GRM7: variants seen among roughly 807,000 people sequenced by gnomAD.
GRM7 encodes glutamate metabotropic receptor 7.
A neutral mutation model predicts 84.5 loss-of-function variants in GRM7; 35 were observed. The ratio of observed to expected loss-of-function variants is 0.41; its 90% CI spans 0.32 to 0.55. The LOEUF is 0.55. Ranked by LOEUF, GRM7 falls within the 20% of genes least tolerant of loss-of-function variation. The probability of loss-of-function intolerance (pLI) is 0.19; values close to 1 mark genes in which losing one functional copy is unlikely to be tolerated. For missense variants in GRM7, 1,003 were observed against 1,194.6 expected, an observed-to-expected ratio of 0.84 and a Z score of 2.36; for synonymous variants, 487 against 455.1, an observed-to-expected ratio of 1.07 and a Z score of -0.89.
At chr3:6,965,384 C>T (rs1163854014) in intron 1 of GRM7, among the ~76,000 whole-genome samples, 1 of 152,030 alleles carries the variant, frequency 6.6e-6, no homozygotes, top group African/African-American at 2.4e-5. Context: ...GTGATGTGAT[C>T]GTGGCTCACT....
chr3:7,243,590 A>G (rs373070430), intron 2 of GRM7, among the ~76,000 whole-genome samples: 1 of 152,132 alleles, frequency 6.6e-6, no homozygotes, highest in Non-Finnish European at 1.5e-5. Context: ...TAAACCAATC[A>G]CTATTCTCAG....
chr3:6,862,979 C>T lies in GRM7; in HGVS notation c.519+1072C>T. On this transcript the variant is annotated intron_variant, in intron 1 of 9. Transcript: ENST00000357716. This position sits in a 1 kb window ranked among gnomAD's most constrained non-coding sequence, Gnocchi z 5.2. ...GCCTCCTGCTCCAGCAGCCTCTGCCCCATGGCTCCTGAGCTGCACTGGGTA... is the reference window on the plus strand; with the variant it reads ...GCCTCCTGCTCCAGCAGCCTCTGCCTCATGGCTCCTGAGCTGCACTGGGTA... 1 of 456,440 alleles carries T rather than the reference C, an allele frequency of 2.2e-6. No homozygotes were observed. Among genetic ancestry groups the T allele is most frequent in the Non-Finnish European group, 4.4e-6 (1 of 226,850 alleles). The allele number at this position is 456,440 out of a possible 1,614,324, so 28.3% of individuals were successfully genotyped here.
At chr3:7,292,710 T>C (rs1416730087) in intron 2 of GRM7, among the ~76,000 whole-genome samples, 1 of 149,260 alleles carries the variant, frequency 6.7e-6, no homozygotes, top group Admixed American at 6.6e-5. Flanking sequence ...CTTACATATA[T>C]TATTTCTTTT....
intron 2 of GRM7, among the ~76,000 whole-genome samples, chr3:7,217,997 G>A (rs7652154): frequency 0.38 from 58,288 of 151,710 alleles, 11,551 homozygotes; most frequent in African/African-American, 0.46. Flanking sequence ...TGTTACATAT[G>A]TTGTATGGCT....
intron 2 of GRM7, among the ~76,000 whole-genome samples, chr3:7,235,614 A>C (rs2124908926): frequency 6.6e-6 from 1 of 152,302 alleles, no homozygotes; most frequent in Middle Eastern, 3.4e-3. Flanking sequence ...CACATTCCTC[A>C]TCCATCATAC....
chr3:7,643,828 C>A (rs553812340), intron 8 of GRM7, among the ~76,000 whole-genome samples: 1 of 152,198 alleles, frequency 6.6e-6, no homozygotes, highest in South Asian at 2.1e-4. Flanking sequence ...ATATTTCTTT[C>A]TAAAATCCAT....
chr3:7,662,138 G>T (rs898860171), intron 8 of GRM7, among the ~76,000 whole-genome samples: 2 of 152,144 alleles, frequency 1.3e-5, no homozygotes, highest in African/African-American at 4.8e-5. Flanking sequence ...CTGAATGAAA[G>T]ATGCGAGACA....
At chr3:7,603,525 C>G (rs1483902873) in intron 8 of GRM7, among the ~76,000 whole-genome samples, 1 of 152,126 alleles carries the variant, frequency 6.6e-6, no homozygotes, top group Non-Finnish European at 1.5e-5. Context: ...AAAAATTGTG[C>G]AAGCTAGTTA....
At chr3:7,727,463 C>G (rs1052823023) in intron 9 of GRM7, among the ~76,000 whole-genome samples, 1 of 152,078 alleles carries the variant, frequency 6.6e-6, no homozygotes, top group African/African-American at 2.4e-5. Context: ...ATTTTAGTTT[C>G]TTTGACTCAG....
chr3:7,167,266 A>G (rs1516302), intron 2 of GRM7, among the ~76,000 whole-genome samples: 108,430 of 152,096 alleles, frequency 0.71, 38,877 homozygotes, highest in East Asian at 0.9. Flanking sequence ...TCAGCATTCA[A>G]TTTGGAAGCT....
At chr3:7,067,964 G>A (rs988401553) in intron 1 of GRM7, among the ~76,000 whole-genome samples, 1 of 151,844 alleles carries the variant, frequency 6.6e-6, no homozygotes, top group Non-Finnish European at 1.5e-5. Flanking sequence ...TTGCATCCCA[G>A]CCGAATATTC....
intron 2 of GRM7, among the ~76,000 whole-genome samples, chr3:7,222,600 C>A (rs916576894): frequency 2.6e-5 from 4 of 152,158 alleles, no homozygotes. Context: ...CTTGTGCAAT[C>A]CCTCAGCAGA....
intron 8 of GRM7, among the ~76,000 whole-genome samples, chr3:7,642,061 T>C (rs777100563): frequency 4.6e-5 from 7 of 152,168 alleles, no homozygotes; most frequent in Non-Finnish European, 8.8e-5. Context: ...AAAATAAGGC[T>C]ATATACCAAA....
At chr3:7,257,721 A>G (rs1698260650) in intron 2 of GRM7, among the ~76,000 whole-genome samples, 1 of 152,194 alleles carries the variant, frequency 6.6e-6, no homozygotes, top group Non-Finnish European at 1.5e-5. Context: ...TCCTAACAGC[A>G]TGGATCAGAC....
chr3:6,861,577 C>G lies in GRM7; in HGVS notation c.189C>G (p.Ser63Arg). Residue 63 changes from serine (S) to arginine (R), a missense_variant, in exon 1 of 10, where the codon AGC becomes AGG. Physicochemically the swap from Ser to Arg is moderately radical, Grantham distance 110. This residue lies in a region of GRM7 where 910 missense variants were observed against 1,126.0 expected (regional missense o/e 0.81). Coordinates refer to ENST00000357716, the MANE Select transcript of GRM7 (RefSeq NM_000844.4). This position sits in a 1 kb window ranked among gnomAD's most constrained non-coding sequence, Gnocchi z 6.4. ...TCCCCGTGCACGCCAAGGGTCCCAG[C>G]GGAGTGCCCTGCGGCGACATCAAGA... ...GLFPVHAKGP[S>R]GVPCGDIKRE... 6.2e-7 allele frequency: 1 copy of G among 1,605,196 alleles called. No homozygotes were observed. The highest frequency in any genetic ancestry group is 8.5e-7 in the Non-Finnish European group (1 of 1,175,182).
chr3:7,468,527 A>AT (rs1368802782), intron 7 of GRM7, among the ~76,000 whole-genome samples: 5 of 152,178 alleles, frequency 3.3e-5, no homozygotes, highest in Non-Finnish European at 7.4e-5. Context: ...CATGTAGTAA[A>AT]TGTTCAGCAA....
At chr3:7,725,003 C>T (rs1025075132) in intron 9 of GRM7, among the ~76,000 whole-genome samples, 7 of 152,092 alleles carry the variant, frequency 4.6e-5, no homozygotes, top group African/African-American at 7.2e-5. Context: ...TATTCTCAAA[C>T]TCCTAGCTTC....
At chr3:7,643,437 G>A (rs930784475) in intron 8 of GRM7, among the ~76,000 whole-genome samples, 1 of 152,130 alleles carries the variant, frequency 6.6e-6, no homozygotes, top group African/African-American at 2.4e-5. Flanking sequence ...TAAAATAAAG[G>A]TGGCCAGGCC....
chr3:7,281,872 G>A (rs918937848), intron 2 of GRM7, among the ~76,000 whole-genome samples: 2 of 152,198 alleles, frequency 1.3e-5, no homozygotes, highest in African/African-American at 4.8e-5. Flanking sequence ...CCTGAGTTCA[G>A]GAGTTCGAGA....
Sources: gnomAD v4.1 joint callset for allele counts (sites outside exome capture counted in the v4.1 genomes callset) on GRCh38, gnomAD v4.1.1 for gene constraint, gnomAD v4.1.1 regional missense constraint, Gnocchi (gnomAD v3.1) non-coding constraint, MANE v1.5 for transcripts, NCBI Gene and HGNC (gene_info 2026-07-23, HGNC 2026-07-21) for gene names.